Variants in RBPMS2 observed in about 807,000 individuals in gnomAD.
RBPMS2 encodes RNA binding protein, mRNA processing factor 2.
A neutral mutation model predicts 25.7 loss-of-function variants in RBPMS2; 14 were observed. The observed-to-expected ratio is 0.55, with a 90% CI of 0.36 to 0.85. RBPMS2 has a LOEUF of 0.85. RBPMS2 is among the 40% of genes least tolerant of loss of function. RBPMS2 has a pLI of 0.01. For missense variants in RBPMS2, 252 were observed against 283.4 expected (o/e 0.89, Z 0.80); for synonymous variants, 127 against 115.6 (o/e 1.10, Z -0.63).
intron 1 of RBPMS2, among the ~76,000 whole-genome samples, chr15:64,769,310 C>T (rs1421190924): frequency 6.8e-5 from 10 of 148,142 alleles, no homozygotes; most frequent in Admixed American, 1.4e-4. Context: ...CTATAATCCC[C>T]CTACTTGGGA....
At chr15:64,751,738 T>C in intron 1 of RBPMS2, 100 bp from the exon 2 acceptor site, 3 of 952,178 alleles carry the variant, frequency 3.2e-6, no homozygotes, top group Non-Finnish European at 4.9e-6. Context: ...TTCTAGAGCT[T>C]AGAGGAATTC....
intron 1 of RBPMS2, among the ~76,000 whole-genome samples, chr15:64,755,194 G>T (rs1186189604): frequency 2.0e-5 from 3 of 152,032 alleles, no homozygotes; most frequent in Admixed American, 6.6e-5. Flanking sequence ...TTTCCAGCCA[G>T]GATTCCCTCT....
chr15:64,754,313 GA>G (rs2083711548), intron 1 of RBPMS2, among the ~76,000 whole-genome samples: 1 of 147,368 alleles, frequency 6.8e-6, no homozygotes, highest in South Asian at 2.2e-4. Context: ...CTCCATCTCA[GA>G]AAAAAAGAAA....
intron 6 of RBPMS2, among the ~76,000 whole-genome samples, chr15:64,745,024 G>A (rs542802623): frequency 6.6e-6 from 1 of 151,968 alleles, no homozygotes; most frequent in Admixed American, 6.6e-5. Context: ...GTGTTAGCCA[G>A]GCTGGTCTTG....
chr15:64,770,867 G>A (rs927006937), intron 1 of RBPMS2, among the ~76,000 whole-genome samples: 1 of 152,030 alleles, frequency 6.6e-6, no homozygotes, highest in Admixed American at 6.6e-5. Context: ...CCACCCAGTG[G>A]TCCCAGGGCT....
intron 1 of RBPMS2, among the ~76,000 whole-genome samples, chr15:64,765,430 T>A (rs2083837478): frequency 2.1e-5 from 3 of 146,118 alleles, no homozygotes; most frequent in South Asian, 4.4e-4. Flanking sequence ...AAAAAAAAAA[T>A]TAGCCAGGCA....
intron 1 of RBPMS2, among the ~76,000 whole-genome samples, chr15:64,769,353 G>A (rs955256548): frequency 1.3e-5 from 2 of 150,800 alleles, no homozygotes; most frequent in African/African-American, 2.4e-5. Flanking sequence ...GAACCCAGGA[G>A]GTGGAGGTTG....
chr15:64,761,831 C>T (rs2083791549), intron 1 of RBPMS2, among the ~76,000 whole-genome samples: 1 of 151,604 alleles, frequency 6.6e-6, no homozygotes, highest in South Asian at 2.1e-4. Flanking sequence ...GCCTCAGCCT[C>T]CCAAATAGCT....
intron 3 of RBPMS2, 128 bp downstream of exon 3, chr15:64,750,215 C>T (rs1203388305): frequency 3.6e-6 from 3 of 844,268 alleles, no homozygotes; most frequent in Non-Finnish European, 6.2e-6. Context: ...CTGTCAGAAA[C>T]AGGACAACAG....
intron 6 of RBPMS2, among the ~76,000 whole-genome samples, chr15:64,741,620 A>G (rs1319182300): frequency 6.6e-6 from 1 of 152,222 alleles, no homozygotes; most frequent in African/African-American, 2.4e-5. Context: ...GAGGAGGAGG[A>G]AAAGAATGAG....
intron 1 of RBPMS2, among the ~76,000 whole-genome samples, chr15:64,772,544 G>C (rs2083899726): frequency 6.6e-6 from 1 of 152,096 alleles, no homozygotes; most frequent in Non-Finnish European, 1.5e-5. Flanking sequence ...CTCTCATTAT[G>C]GCTGCACTGC....
intron 1 of RBPMS2, among the ~76,000 whole-genome samples, chr15:64,766,411 A>C (rs535200469): frequency 1.3e-5 from 2 of 152,146 alleles, no homozygotes; most frequent in Non-Finnish European, 2.9e-5. Flanking sequence ...TCTCCATCAA[A>C]GGGTGGAATA....
intron 1 of RBPMS2, among the ~76,000 whole-genome samples, chr15:64,759,459 T>A (rs982769623): frequency 6.6e-6 from 1 of 151,410 alleles, no homozygotes; most frequent in African/African-American, 2.4e-5. Context: ...GGTCATTTTT[T>A]AGAGAAGAGA....
At chr15:64,750,228 A>AGC (rs761258980) in intron 3 of RBPMS2, 115 bp downstream of exon 3, 36 of 898,424 alleles carry the variant, frequency 4.0e-5, no homozygotes, top group Non-Finnish European at 6.2e-5. Context: ...GACAACAGGG[A>AGC]GCGCAAGTCT....
At chr15:64,763,984 T>C (rs2083817459) in intron 1 of RBPMS2, among the ~76,000 whole-genome samples, 1 of 152,026 alleles carries the variant, frequency 6.6e-6, no homozygotes, top group Admixed American at 6.5e-5. Flanking sequence ...AAGCCTGTTG[T>C]GTGCACTTGA....
At chr15:64,749,548 C>T (rs1431917026) in intron 3 of RBPMS2, 55 bp from the exon 4 acceptor site, 2 of 1,423,662 alleles carry the variant, frequency 1.4e-6, no homozygotes, top group Non-Finnish European at 2.0e-6. Context: ...CCACCTCTCC[C>T]TCCAAAATAA....
intron 6 of RBPMS2, among the ~76,000 whole-genome samples, chr15:64,743,761 C>T (rs1328412693): frequency 6.6e-6 from 1 of 152,128 alleles, no homozygotes; most frequent in Non-Finnish European, 1.5e-5. Flanking sequence ...CTGGGACTGA[C>T]CAGTTGAGAA....
intron 1 of RBPMS2, among the ~76,000 whole-genome samples, chr15:64,758,500 A>G (rs1349382763): frequency 1.3e-5 from 2 of 152,228 alleles, no homozygotes; most frequent in East Asian, 1.9e-4. Flanking sequence ...GCAAGCACCA[A>G]TATAGGCAAG....
chr15:64,771,137 C>G (rs1312518398), intron 1 of RBPMS2, among the ~76,000 whole-genome samples: 1 of 152,242 alleles, frequency 6.6e-6, no homozygotes, highest in African/African-American at 2.4e-5. Context: ...ACCACTCTCC[C>G]CCTTCCAGGG....
Sources: gnomAD v4.1 joint callset for allele counts (sites outside exome capture counted in the v4.1 genomes callset) on GRCh38, gnomAD v4.1.1 for gene constraint, MANE v1.5 for transcripts, NCBI Gene and HGNC (gene_info 2026-07-23, HGNC 2026-07-21) for gene names.